The following MUC3A variants were observed in gnomAD, a reference collection of about 807,000 sequenced individuals.
The protein encoded by MUC3A is mucin 3A, cell surface associated, also known as mucin-3A.
MUC3A carries 109 observed loss-of-function variants against 109.0 expected under a neutral mutation model. The observed-to-expected ratio is 1.00, with a 90% CI of 0.86 to 1.17. The LOEUF is 1.17. Among genes scored for constraint, MUC3A ranks in the 50% most tolerant of loss-of-function variants. The pLI is 0.00. For missense variants in MUC3A, 3,537 were observed against 2,469.4 expected, an observed-to-expected ratio of 1.43 and a Z score of -9.16; for synonymous variants, 1,398 against 981.4, an observed-to-expected ratio of 1.42 and a Z score of -7.93.
rs774821485 is a variant in MUC3A at position 100,960,639 on chromosome 7, A to G, written c.8860A>G (p.Thr2954Ala). 7.5e-6 allele frequency: 12 copies of G among 1,597,422 alleles called. No individual in the cohort carries two copies. The highest frequency in any genetic ancestry group is 3.3e-5 in the Admixed American group (2 of 59,928). ...GACCACACAGTCCACGTTGACCACC[A>G]CTGCAGGTTGGACCTTCTGCCTCTC... ...QMTTQSTLTT[T>A]AGTCDNGGTW... The change falls in exon 2 of 12, where the codon ACT (threonine) becomes GCT (alanine). Residue 2954 changes from threonine to alanine, a missense_variant. Coordinates refer to ENST00000379458, the MANE Select transcript of MUC3A (RefSeq NM_005960.2).
At position 100,966,569 on chromosome 7, in the gene MUC3A, C is replaced by CG; in HGVS notation, c.9785+16dup. The stretch of plus-strand genomic sequence containing the variant: ...GCCAGCGCCGAGGCCGGTGAGCGTG[C>CG]GGGGGGCGGGGCCGGGGGGCGAGGG... On this transcript the variant is annotated intron_variant, in intron 9 of 11. Coordinates refer to ENST00000379458, the MANE Select transcript of MUC3A (RefSeq NM_005960.2). 2 of 1,504,730 alleles carry CG rather than the reference C, an allele frequency of 1.3e-6. No individual in the cohort carries two copies. Among genetic ancestry groups the CG allele is most frequent in the Non-Finnish European group, 1.8e-6 (2 of 1,135,812 alleles). 93.2% of individuals were successfully genotyped at this position (1,504,730 alleles called of 1,614,324 possible).
In MUC3A at chr7:100,958,396, T is replaced by TCCCACAG; in HGVS notation, c.6617_6618insCCCACAG (p.Thr2207ProfsTer26). On this transcript the variant is annotated frameshift_variant, in exon 2 of 12. Coordinates refer to ENST00000379458, the MANE Select transcript of MUC3A (RefSeq NM_005960.2). LOFTEE classifies it high-confidence loss of function. ...ACCTCACACAGTACTCCCAGCTACA[T>TCCCACAG]TACCTCAATCACCACCACCGAGACC... The TCCCACAG allele has an allele frequency of 7.0e-6, 1 of 141,998 alleles. No homozygotes were observed. The highest frequency in any genetic ancestry group is 1.2e-5 in the Non-Finnish European group (1 of 81,776). The allele number at this position is 141,998 out of a possible 1,614,324, so 8.8% of individuals were successfully genotyped here. A position where few individuals can be genotyped will look rare whatever the true frequency, so the allele number is the denominator to read the frequency against.
rs1350523483 is a variant in MUC3A at position 100,954,091 on chromosome 7, C to T, written c.2312C>T (p.Ser771Leu). 3.0e-5 allele frequency: 17 copies of T among 575,888 alleles called. No homozygotes were observed. Among genetic ancestry groups the T allele is most frequent in the Non-Finnish European group, 4.8e-5 (16 of 330,514 alleles). The allele number at this position is 575,888 out of a possible 1,614,324, so 35.7% of individuals were successfully genotyped here. A position where few individuals can be genotyped will look rare whatever the true frequency, so the allele number is the denominator to read the frequency against. Residue 771 changes from serine (S) to leucine (L), a missense_variant, in exon 2 of 12, where the codon TCA becomes TTA. Physicochemically the swap from Ser to Leu is moderately radical, Grantham distance 145 (BLOSUM62 -2). Transcript: ENST00000379458. ...NLVTTTTKTT[S>L]HSTTSFTSST... ...GTAACCACCACCACCAAGACCACCTCACATAGTACCACCAGCTTCACTTCT... is the reference window on the plus strand; with the variant it reads ...GTAACCACCACCACCAAGACCACCTTACATAGTACCACCAGCTTCACTTCT...
At position 100,952,187 on chromosome 7, in the gene MUC3A, C is replaced by T; in HGVS notation, c.408C>T (p.Ile136=). Reference sequence around the variant, plus strand: ...GCGTGTATCCAACGAGCTTTATAATCACCATCTCCCACCCCACCTCCATCT... The same window carrying T: ...GCGTGTATCCAACGAGCTTTATAATTACCATCTCCCACCCCACCTCCATCT... The part of the protein sequence containing the change: ...TECVYPTSFI[I]TISHPTSICV... The change falls in exon 2 of 12, where the codon ATC becomes ATT. Residue 136 remains isoleucine (I), a synonymous_variant. Coordinates refer to ENST00000379458, the MANE Select transcript of MUC3A (RefSeq NM_005960.2). The T allele has an allele frequency of 6.3e-7, 1 of 1,598,520 alleles. No homozygotes were observed. Among genetic ancestry groups the T allele is most frequent in the Non-Finnish European group, 8.5e-7 (1 of 1,179,758 alleles).
At position 100,952,091 on chromosome 7, in the gene MUC3A, G is replaced by A. The variant is rs1215734561; in HGVS notation, c.312G>A (p.Pro104=). ...SPVSSNTSTT[P]TSKFAFKVET... ...TCAGTTCCAACACCTCAACCACCCC[G>A]ACGTCCAAGTTTGCCTTCAAGGTTG... Residue 104 remains proline (P), a synonymous_variant, in exon 2 of 12, where the codon CCG becomes CCA. Transcript: ENST00000379458. 6.3e-6 allele frequency: 10 copies of A among 1,598,504 alleles called. No homozygotes were observed. The highest frequency in any genetic ancestry group is 1.7e-5 in the Admixed American group (1 of 60,010).
At chr7:100,964,621 TGCTTCTGGA>T in intron 5 of MUC3A, 65 bp from the exon 6 acceptor site, 1 of 1,525,216 alleles carries the variant, frequency 6.6e-7, no homozygotes, top group Non-Finnish European at 8.8e-7. Context: ...CACTTTGGGT[TGCTTCTGGA>T]GGTGCCCCTC....
At position 100,967,993 on chromosome 7, in the gene MUC3A, C is replaced by G. The variant is rs1449522918; in HGVS notation, c.*831C>G. The stretch of plus-strand genomic sequence containing the variant: ...CTAAATACCCCAGCTGCTGTTCCCC[C>G]CATCACCCTGCTGCCCAATTCTTTA... On this transcript the variant is annotated 3_prime_UTR_variant, in exon 12 of 12. Coordinates refer to ENST00000379458, the MANE Select transcript of MUC3A (RefSeq NM_005960.2). 1 of 77,610 alleles carries G rather than the reference C, an allele frequency of 1.3e-5. No homozygotes were observed. The highest frequency in any genetic ancestry group is 4.7e-5 in the African/African-American group (1 of 21,060). The allele number at this position is 77,610 out of a possible 1,614,324, so 4.8% of individuals were successfully genotyped here.
At chr7:100,965,140 CTCT>C in intron 6 of MUC3A, 139 bp from the exon 7 acceptor site, 10 of 1,214,872 alleles carry the variant, frequency 8.2e-6, no homozygotes, top group South Asian at 6.7e-5. Flanking sequence ...GCCTGTGGCT[CTCT>C]CCGTCTGGGA....
intron 4 of MUC3A, 68 bp from the exon 5 acceptor site, chr7:100,963,620 G>C: frequency 2.5e-6 from 4 of 1,596,756 alleles, no homozygotes; most frequent in South Asian, 1.1e-5. Flanking sequence ...CTGGAGCTGG[G>C]GTTGGGCGTC....
Position 100,966,485 on chromosome 7 carries a change from G to A in MUC3A, c.9711G>A (p.Leu3237=). 2 of 1,317,440 alleles carry A rather than the reference G, an allele frequency of 1.5e-6. No homozygotes were observed. The highest frequency in any genetic ancestry group is 1.9e-6 in the Non-Finnish European group (2 of 1,042,994). The allele number at this position is 1,317,440 out of a possible 1,614,324, so 81.6% of individuals were successfully genotyped here. A position where few individuals can be genotyped will look rare whatever the true frequency, so the allele number is the denominator to read the frequency against. ...LVGGLTAGAA[L]LVLLLLALGV... ...GGGGCCTGACGGCCGGCGCCGCGCT[G>A]CTGGTGCTGCTGCTGCTGGCGCTGG... The change falls in exon 9 of 12, where the codon CTG becomes CTA. Residue 3237 remains leucine (L), a synonymous_variant. Transcript: ENST00000379458.
chr7:100,963,861 G>A, intron 5 of MUC3A, 109 bp downstream of exon 5: 1 of 1,482,490 alleles, frequency 6.7e-7, no homozygotes, highest in Non-Finnish European at 9.2e-7. Context: ...AAAGAGGGGT[G>A]GAGGGGGTAC....
rs1481752112 is a variant in MUC3A at position 100,952,424 on chromosome 7, C to T, written c.645C>T (p.Phe215=). ...PSSVSATDTT[F]HTTISSTTRT... ...CTGTGTCAGCCACAGACACAACCTT[C>T]CACACTACAATCTCGTCTACAACTA... The change falls in exon 2 of 12, where the codon TTC becomes TTT. Residue 215 remains phenylalanine (F), a synonymous_variant. Transcript: ENST00000379458. 2 of 1,598,498 alleles carry T rather than the reference C, an allele frequency of 1.3e-6. No individual in the cohort carries two copies. The highest frequency in any genetic ancestry group is 1.3e-5 in the African/African-American group (1 of 74,960).
chr7:100,960,058 A>G lies in MUC3A; in HGVS notation c.8279A>G (p.Tyr2760Cys). 6.6e-7 allele frequency: 1 copy of G among 1,510,112 alleles called. No homozygotes were observed. The highest frequency in any genetic ancestry group is 8.8e-7 in the Non-Finnish European group (1 of 1,140,292). The allele number at this position is 1,510,112 out of a possible 1,614,324, so 93.5% of individuals were successfully genotyped here. Residue 2760 changes from tyrosine (Y) to cysteine (C), a missense_variant, in exon 2 of 12, where the codon TAT becomes TGT. By Grantham distance (194) the Tyr-to-Cys change is radical (BLOSUM62 -2). Transcript: ENST00000379458. ...CTCACTGAAATAACCCCCTTTTCTTATATTTCCCTTCCCTCCACCACACCC... is the reference window on the plus strand; with the variant it reads ...CTCACTGAAATAACCCCCTTTTCTTGTATTTCCCTTCCCTCCACCACACCC... Reference protein sequence around the residue: ...TALTEITPFSYISLPSTTPCP... With the variant: ...TALTEITPFSCISLPSTTPCP...
At chr7:100,965,394 G>A (rs79505270) in intron 7 of MUC3A, 47 bp downstream of exon 7, 4 of 1,581,300 alleles carry the variant, frequency 2.5e-6, no homozygotes, top group Non-Finnish European at 3.4e-6. Context: ...GCTATGATCC[G>A]GGCTACCAGG....
chr7:100,963,393 C>G (rs1206773297), intron 4 of MUC3A, 127 bp downstream of exon 4: 1 of 856,754 alleles, frequency 1.2e-6, no homozygotes, highest in Non-Finnish European at 1.8e-6. Flanking sequence ...TCACATGATT[C>G]TCTTGCCTCA....
intron 5 of MUC3A, chr7:100,964,224 A>T: frequency 4.7e-6 from 1 of 214,546 alleles, no homozygotes; most frequent in Non-Finnish European, 9.3e-6. Context: ...ATCACCTGAA[A>T]GCAGTTCAAG....
intron 1 of MUC3A, among the ~76,000 whole-genome samples, chr7:100,950,618 G>C (rs4364565): frequency 1.3e-5 from 2 of 152,296 alleles, no homozygotes; most frequent in Non-Finnish European, 2.9e-5. Context: ...GGGGTAGCAG[G>C]TCGGGTACCT....
At position 100,952,276 on chromosome 7, in the gene MUC3A, C is replaced by T. The variant is rs1791972034; in HGVS notation, c.497C>T (p.Pro166Leu). The change falls in exon 2 of 12, where the codon CCA becomes CTA. Residue 166 changes from proline (P) to leucine (L), a missense_variant. By Grantham distance (98) the Pro-to-Leu change is moderately conservative (BLOSUM62 -3). Transcript: ENST00000379458. The stretch of plus-strand genomic sequence containing the variant: ...ACCTCGACTCCCGTGACACAGAAGC[C>T]AGTGACCACCGTCACCAGTACTTAC... ...SYTSTPVTQK[P>L]VTTVTSTYSM... is the part of the protein sequence containing the mutation. 1.3e-6 allele frequency: 2 copies of T among 1,598,510 alleles called. No homozygotes were observed. Among genetic ancestry groups the T allele is most frequent in the Non-Finnish European group, 1.7e-6 (2 of 1,179,770 alleles).
chr7:100,965,651 G>A (rs1792506567), intron 7 of MUC3A, 53 bp from the exon 8 acceptor site: 5 of 1,564,890 alleles, frequency 3.2e-6, no homozygotes, highest in Non-Finnish European at 4.3e-6. Flanking sequence ...TCAGGCCCCT[G>A]AATAGAATGG....
Sources: allele counts gnomAD v4.1 joint callset (sites outside exome capture counted in the v4.1 genomes callset), GRCh38; gene constraint gnomAD v4.1.1; transcripts MANE v1.5; gene names NCBI Gene and HGNC (gene_info 2026-07-23, HGNC 2026-07-21).